The following TRIM5 variants were observed in gnomAD, a reference collection of about 807,000 sequenced individuals.
TRIM5 encodes tripartite motif-containing protein 5.
Under a neutral mutation model 35.6 loss-of-function variants are expected in TRIM5, and 31 were observed. That is an observed-to-expected ratio of 0.87 (90% CI 0.65 to 1.18). TRIM5 has a LOEUF of 1.18. Among genes scored for constraint, TRIM5 ranks in the 50% most tolerant of loss-of-function variants. TRIM5 has a pLI of 0.00. For missense variants in TRIM5, 609 were observed against 591.6 expected (o/e 1.03, Z -0.31); for synonymous variants, 243 against 215.6 (o/e 1.13, Z -1.11).
the TRIM5 span, among the ~76,000 whole-genome samples, chr11:5,649,853 T>TAAA: frequency 6.6e-6 from 1 of 152,108 alleles, no homozygotes; most frequent in African/African-American, 2.4e-5. Context: ...ATTTAGAGGA[T>TAAA]ATATGCCCTC....
At chr11:5,639,901 A>G in the TRIM5 span, among the ~76,000 whole-genome samples, 2 of 152,172 alleles carry the variant, frequency 1.3e-5, no homozygotes, top group African/African-American at 2.4e-5. Flanking sequence ...ACAGGTATAC[A>G]ATGCATAATA....
the TRIM5 span, chr11:5,643,903 A>G: frequency 1.6e-5 from 12 of 738,676 alleles, no homozygotes; most frequent in African/African-American, 2.0e-4. Context: ...TCATATTTTC[A>G]GAGAAAGTTA....
the TRIM5 span, chr11:5,645,867 G>GAA: frequency 0.08 from 10,834 of 135,270 alleles, 550 homozygotes; most frequent in Non-Finnish European, 0.11. Context: ...TAGTCTTCTG[G>GAA]AAAAAAAAAA....
At chr11:5,633,265 T>G in the TRIM5 span, among the ~76,000 whole-genome samples, 1 of 151,620 alleles carries the variant, frequency 6.6e-6, no homozygotes, top group Non-Finnish European at 1.5e-5. Flanking sequence ...GGAACCATAA[T>G]TCTGAGTCCC....
the TRIM5 span, among the ~76,000 whole-genome samples, chr11:5,637,403 T>C: frequency 4.6e-5 from 7 of 152,214 alleles, no homozygotes; most frequent in African/African-American, 1.7e-4. Context: ...GACGCTCAAC[T>C]TGAAAACTGA....
the TRIM5 span, chr11:5,596,823 C>A: frequency 3.1e-6 from 5 of 1,611,580 alleles, no homozygotes; most frequent in Non-Finnish European, 4.2e-6. Context: ...GTTTAAGGTG[C>A]CTTGGATTGC....
At chr11:5,651,713 T>C in the TRIM5 span, among the ~76,000 whole-genome samples, 1 of 152,208 alleles carries the variant, frequency 6.6e-6, no homozygotes, top group African/African-American at 2.4e-5. Context: ...TTTGAGAAAT[T>C]GCCAAACTGC....
chr11:5,599,317 G>C, the TRIM5 span, among the ~76,000 whole-genome samples: 1 of 152,168 alleles, frequency 6.6e-6, no homozygotes, highest in African/African-American at 2.4e-5. Flanking sequence ...AAGTGTGCAT[G>C]TGTTTGTTGG....
the TRIM5 span, among the ~76,000 whole-genome samples, chr11:5,639,731 C>T: frequency 2.9e-5 from 4 of 137,298 alleles, no homozygotes; most frequent in Admixed American, 7.4e-5. Context: ...TGCCTATAGG[C>T]GGTGGATAGA....
chr11:5,671,682 T>C (rs1030147355), intron 4 of TRIM5, among the ~76,000 whole-genome samples: 1 of 151,932 alleles, frequency 6.6e-6, no homozygotes, highest in East Asian at 1.9e-4. Flanking sequence ...CAAAGACATG[T>C]CAGATGTCAT....
chr11:5,610,402 A>C, the TRIM5 span: 1 of 1,578,372 alleles, frequency 6.3e-7, no homozygotes. Context: ...GTTTGTATTT[A>C]AGGGGAGATG....
At chr11:5,588,941 A>T in the TRIM5 span, 5 of 151,844 alleles carry the variant, frequency 3.3e-5, no homozygotes, top group African/African-American at 1.2e-4. Context: ...ATGTCACCAC[A>T]CCTGGCTAAT....
At chr11:5,606,826 T>TA in the TRIM5 span, among the ~76,000 whole-genome samples, 1 of 152,358 alleles carries the variant, frequency 6.6e-6, no homozygotes, top group African/African-American at 2.4e-5. Flanking sequence ...TAGTCTTTTC[T>TA]AAAAATAAAC....
intron 4 of TRIM5, among the ~76,000 whole-genome samples, chr11:5,669,381 G>C (rs138573601): frequency 6.6e-6 from 1 of 152,242 alleles, no homozygotes; most frequent in Admixed American, 6.5e-5. Context: ...CACCCAGCTA[G>C]TTTACATTCT....
the TRIM5 span, chr11:5,644,072 CA>C: frequency 2.4e-6 from 1 of 414,598 alleles, no homozygotes; most frequent in Non-Finnish European, 4.2e-6. Context: ...TGACCACCAC[CA>C]ACATCAACTA....
At chr11:5,622,204 G>A in the TRIM5 span, among the ~76,000 whole-genome samples, 2 of 152,242 alleles carry the variant, frequency 1.3e-5, no homozygotes, top group East Asian at 1.9e-4. Context: ...CCAGGACTTC[G>A]GGAGGCCGAG....
the TRIM5 span, among the ~76,000 whole-genome samples, chr11:5,598,734 G>C: frequency 6.6e-6 from 1 of 152,162 alleles, no homozygotes; most frequent in East Asian, 1.9e-4. Context: ...TGACAACACA[G>C]TTCCATTATG....
chr11:5,588,929 A>G, the TRIM5 span: 1 of 152,030 alleles, frequency 6.6e-6, no homozygotes, highest in Admixed American at 6.6e-5. Flanking sequence ...GATTACAGGC[A>G]CATGTCACCA....
the TRIM5 span, chr11:5,612,543 A>C: frequency 6.6e-6 from 1 of 152,234 alleles, no homozygotes; most frequent in African/African-American, 2.4e-5. Flanking sequence ...GAACAATATA[A>C]AGCACTTAAA....
Sources: gnomAD v4.1 joint callset for allele counts (sites outside exome capture counted in the v4.1 genomes callset) on GRCh38, gnomAD v4.1.1 for gene constraint, MANE v1.5 for transcripts, NCBI Gene and HGNC (gene_info 2026-07-23, HGNC 2026-07-21) for gene names.